PPT1: variants seen among roughly 807,000 people sequenced by gnomAD.
PPT1 encodes the protein ceroid-palmitoyl-palmitoyl-protein thioesterase 1.
PPT1 carries 24 observed loss-of-function variants against 44.0 expected under a neutral mutation model. That is an observed-to-expected ratio of 0.54 (90% confidence interval 0.39 to 0.77). The LOEUF (loss-of-function observed/expected upper bound fraction) is 0.77. Among genes scored for constraint, PPT1 ranks in the 30% least tolerant of loss-of-function variants. PPT1 has a pLI of 0.00. For synonymous variants in PPT1, 148 were observed against 140.2 expected, an observed-to-expected ratio of 1.06 and a Z score of -0.39; for missense variants, 341 against 378.8, an observed-to-expected ratio of 0.90 and a Z score of 0.83.
chr1:40,075,269 A>G (rs1267274551), intron 8 of PPT1: 1 of 152,206 alleles, frequency 6.6e-6, no homozygotes, highest in African/African-American at 2.4e-5. Flanking sequence ...ACAAAACAGA[A>G]AAACCATATC....
chr1:40,086,154 G>A (rs1649248686), intron 5 of PPT1, among the ~76,000 whole-genome samples: 2 of 152,308 alleles, frequency 1.3e-5, no homozygotes, highest in South Asian at 4.1e-4. Context: ...CCTCTGAGCT[G>A]GTACGGGGGA....
At chr1:40,090,967 A>G (rs760700289) in intron 4 of PPT1, among the ~76,000 whole-genome samples, 2 of 152,274 alleles carry the variant, frequency 1.3e-5, no homozygotes, top group Non-Finnish European at 2.9e-5. Flanking sequence ...GAGCTTACAC[A>G]CTATTCTTTG....
chr1:40,094,100 T>G (rs1649720296), intron 1 of PPT1: 1 of 615,982 alleles, frequency 1.6e-6, no homozygotes, highest in Non-Finnish European at 3.0e-6. Flanking sequence ...GAGGTACACA[T>G]TCCCTTCCCC....
intron 1 of PPT1, among the ~76,000 whole-genome samples, chr1:40,094,796 T>C (rs931255331): frequency 2.0e-5 from 3 of 152,204 alleles, no homozygotes; most frequent in Admixed American, 1.3e-4. Context: ...ATTCCTTTTA[T>C]TTCTCTGAAA....
chr1:40,078,737 T>C (rs1213931411), intron 6 of PPT1, 79 bp from the exon 7 acceptor site: 59 of 1,222,218 alleles, frequency 4.8e-5, no homozygotes, highest in Middle Eastern at 1.9e-4. Flanking sequence ...TGTTTTCTGG[T>C]CTCCCTGACC....
chr1:40,091,293 G>C (rs1452853561), intron 4 of PPT1, 36 bp downstream of exon 4: 9 of 1,585,258 alleles, frequency 5.7e-6, no homozygotes, highest in Non-Finnish European at 7.8e-6. Context: ...ATGTGGGTTA[G>C]AATACAGAAA....
rs150454815 is a variant in PPT1, at chr1:40,074,058, G to T, written c.*3C>A. On this transcript the variant is annotated 3_prime_UTR_variant, in exon 9 of 9. Transcript: ENST00000642050. ...CTGAGCTCTATTGTGAACTATACGGGTTTCATCCAAGGAATGGTATGATGT... is the reference window on the plus strand; with the variant it reads ...CTGAGCTCTATTGTGAACTATACGGTTTTCATCCAAGGAATGGTATGATGT... The T allele has an allele frequency of 3.6e-3, 5,891 of 1,614,062 alleles. 38 individuals are homozygous for T. The highest frequency in any genetic ancestry group is 0.026 in the African/African-American group (1,915 of 75,006).
At position 40,074,154 on chromosome 1, in the gene PPT1, A is replaced by G. The variant is rs1648440502; in HGVS notation, c.828T>C (p.Asn276=). ...QDRLGLKEMD[N]AGQLVFLATE... The stretch of plus-strand genomic sequence containing the variant: ...TAGCCAGAAACACTAGCTGTCCTGC[A>G]TTGTCCATTTCCTTTAGCCCCAGGC... The change falls in exon 9 of 9, where the codon AAT becomes AAC. Residue 276 remains asparagine, a synonymous_variant. Transcript: ENST00000642050. 4 of 1,614,100 alleles carry G rather than the reference A, an allele frequency of 2.5e-6. No homozygotes were observed. The South Asian group carries it at 3.3e-5, about 13-fold the overall frequency.
At chr1:40,079,432 T>C (rs1489614571) in intron 6 of PPT1, among the ~76,000 whole-genome samples, 1 of 131,664 alleles carries the variant, frequency 7.6e-6, no homozygotes, top group African/African-American at 2.9e-5. Flanking sequence ...AGTCTCGCTC[T>C]GTCACCGAGG....
Position 40,089,152 on chromosome 1 carries a change from T to C in PPT1, c.536+258A>G, listed in dbSNP as rs1342003980. Among the ~76,000 whole-genome samples the C allele has an allele frequency of 2.0e-5, 3 of 152,018 alleles. No individual in the cohort carries two copies. In the East Asian group the frequency reaches 5.8e-4, roughly 29 times the overall value. On this transcript the variant is annotated intron_variant, in intron 5 of 8. Coordinates refer to ENST00000642050, the MANE Select transcript of PPT1 (RefSeq NM_000310.4). ...AAAATACAAAATTAGCCAGGCGTAG[T>C]GGCGCATGCCTGTAATCCCAGCTAC...
At position 40,078,639 on chromosome 1, in the gene PPT1, T is replaced by C. The variant is rs1296750828; in HGVS notation, c.647A>G (p.Lys216Arg). ...CTTCTTCAGGGCCATCAGGTTTTTC[T>C]TGTAGGACTCATTGATACCCTGAAA... ...NQERGINESY[K>R]KNLMALKKFV... The change falls in exon 7 of 9, where the codon AAG becomes AGG. Residue 216 changes from lysine (K) to arginine (R), a missense_variant. Transcript: ENST00000642050. 6 of 1,613,696 alleles carry C rather than the reference T, an allele frequency of 3.7e-6. No homozygotes were observed. Among genetic ancestry groups the C allele is most frequent in the Admixed American group, 3.3e-5 (2 of 59,996 alleles).
intron 3 of PPT1, 80 bp from the exon 4 acceptor site, chr1:40,091,479 G>A: frequency 7.7e-7 from 1 of 1,293,590 alleles, no homozygotes; most frequent in Non-Finnish European, 1.1e-6. Flanking sequence ...GATTAAGCTA[G>A]TCATCCTCTG....
At chr1:40,079,392 C>CTTT (rs11464192) in intron 6 of PPT1, among the ~76,000 whole-genome samples, 1,679 of 89,900 alleles carry the variant, frequency 0.019, 30 homozygotes, top group African/African-American at 0.026. Context: ...TTTTCTTTTC[C>CTTT]TTTTTTTTTT....
chr1:40,086,367 C>T (rs941204168), intron 5 of PPT1, among the ~76,000 whole-genome samples: 3 of 152,196 alleles, frequency 2.0e-5, no homozygotes, highest in Admixed American at 2.0e-4. Context: ...AACTATTATA[C>T]CATTCCTCGT....
chr1:40,089,565 C>T (rs754474422), intron 4 of PPT1, 53 bp from the exon 5 acceptor site: 2 of 1,292,988 alleles, frequency 1.5e-6, no homozygotes, highest in South Asian at 1.2e-5. Flanking sequence ...GTATCGAATA[C>T]CCACTATGCA....
intron 5 of PPT1, among the ~76,000 whole-genome samples, chr1:40,081,398 C>T (rs1405068491): frequency 2.6e-5 from 4 of 151,922 alleles, no homozygotes; most frequent in East Asian, 3.9e-4. Flanking sequence ...TAGCCAGGCA[C>T]GGTGGCATGT....
chr1:40,080,715 A>C (rs1648888257), intron 5 of PPT1, among the ~76,000 whole-genome samples: 1 of 152,154 alleles, frequency 6.6e-6, no homozygotes, highest in African/African-American at 2.4e-5. Context: ...CTCTACTAAA[A>C]CTACAAAAAT....
intron 5 of PPT1, among the ~76,000 whole-genome samples, chr1:40,085,008 C>T (rs1262704591): frequency 6.6e-6 from 1 of 152,066 alleles, no homozygotes; most frequent in Admixed American, 6.5e-5. Context: ...AGGGAGTCTC[C>T]CTTTCCCCGG....
intron 1 of PPT1, chr1:40,094,102 C>A: frequency 4.9e-6 from 3 of 611,324 alleles, no homozygotes; most frequent in South Asian, 1.9e-5. Context: ...GGTACACATT[C>A]CCTTCCCCTA....
Sources: allele counts gnomAD v4.1 joint callset (sites outside exome capture counted in the v4.1 genomes callset), GRCh38; gene constraint gnomAD v4.1.1; transcripts MANE v1.5; gene names NCBI Gene and HGNC (gene_info 2026-07-23, HGNC 2026-07-21).